Variants in ARFIP1 observed in about 807,000 individuals in gnomAD.
The protein encoded by ARFIP1 is arfaptin-1.
Under a neutral mutation model 42.5 loss-of-function variants are expected in ARFIP1, and 24 were observed. The ratio of observed to expected loss-of-function variants is 0.57; its 90% confidence interval spans 0.41 to 0.80. The LOEUF is 0.80. Ranked by LOEUF, ARFIP1 falls within the 30% of genes least tolerant of loss-of-function variation. ARFIP1 has a pLI of 0.00. For missense variants in ARFIP1, 354 were observed against 434.0 expected (o/e 0.82, Z 1.64); for synonymous variants, 141 against 153.7 (o/e 0.92, Z 0.61).
chr4:152,805,298 A>G (rs1202031448), intron 1 of ARFIP1, among the ~76,000 whole-genome samples: 1 of 152,254 alleles, frequency 6.6e-6, no homozygotes, highest in African/African-American at 2.4e-5. Context: ...TCATTTACTT[A>G]GAAAAGGGAT....
At chr4:152,907,261 C>T (rs1267898030) in intron 8 of ARFIP1, among the ~76,000 whole-genome samples, 1 of 152,082 alleles carries the variant, frequency 6.6e-6, no homozygotes, top group Non-Finnish European at 1.5e-5. Flanking sequence ...TTTTTTCCCT[C>T]TGAATATAAA....
chr4:152,826,704 AGCAGGATCTT>A (rs1307320982), intron 1 of ARFIP1, among the ~76,000 whole-genome samples: 11 of 152,202 alleles, frequency 7.2e-5, no homozygotes, highest in Non-Finnish European at 1.2e-4. Flanking sequence ...AAGAATTGAA[AGCAGGATCTT>A]GCAGGATCTT....
chr4:152,905,385 G>A (rs1036896320), intron 8 of ARFIP1, among the ~76,000 whole-genome samples: 4 of 152,002 alleles, frequency 2.6e-5, no homozygotes, highest in African/African-American at 9.7e-5. Flanking sequence ...AGCCATTCTA[G>A]TGTATGTGTA....
Position 152,910,305 on chromosome 4 carries a change from G to T in ARFIP1, c.*86G>T. On this transcript the variant is annotated 3_prime_UTR_variant, in exon 9 of 9. Transcript: ENST00000353617. ...AATTAAGCAGAGTTGGGGGAAGTGGGAGGGGTGACAAGCATTATAGTGATT... is the reference window on the plus strand; with the variant it reads ...AATTAAGCAGAGTTGGGGGAAGTGGTAGGGGTGACAAGCATTATAGTGATT... The T allele has an allele frequency of 6.9e-7, 1 of 1,446,428 alleles. No homozygotes were observed. Among genetic ancestry groups the T allele is most frequent in the Middle Eastern group, 1.8e-4 (1 of 5,550 alleles). 89.6% of individuals were successfully genotyped at this position (1,446,428 alleles called of 1,614,324 possible).
intron 2 of ARFIP1, among the ~76,000 whole-genome samples, chr4:152,843,773 A>G (rs1338298046): frequency 6.6e-6 from 1 of 152,108 alleles, no homozygotes; most frequent in Non-Finnish European, 1.5e-5. Flanking sequence ...CTGTGCCCCC[A>G]CCAACAGCCC....
intron 2 of ARFIP1, among the ~76,000 whole-genome samples, chr4:152,839,625 A>G (rs1731906063): frequency 1.3e-5 from 2 of 152,092 alleles, no homozygotes; most frequent in Admixed American, 1.3e-4. Context: ...CAGTTGTAAT[A>G]TCCCCTGTTT....
Position 152,910,974 on chromosome 4 carries a change from T to G in ARFIP1, c.*755T>G, listed in dbSNP as rs1738806016. 6.6e-6 allele frequency: 1 copy of G among 152,566 alleles called. No individual in the cohort carries two copies. The highest frequency in any genetic ancestry group is 2.4e-5 in the African/African-American group (1 of 41,442). 9.5% of individuals were successfully genotyped at this position (152,566 alleles called of 1,614,324 possible). A position where few individuals can be genotyped will look rare whatever the true frequency, so the allele number is the denominator to read the frequency against. ...AATTTTTTTTTTTGACAGGTGGACG[T>G]GGGAATGGAAATTCTTAATGGTTTC... On this transcript the variant is annotated 3_prime_UTR_variant, in exon 9 of 9. Coordinates refer to ENST00000353617, the MANE Select transcript of ARFIP1 (RefSeq NM_001025595.3).
chr4:152,847,113 T>A (rs897834358), intron 2 of ARFIP1, among the ~76,000 whole-genome samples: 1 of 143,666 alleles, frequency 7.0e-6, no homozygotes, highest in African/African-American at 2.7e-5. Flanking sequence ...GTTAATGTTT[T>A]TAGGTTTGTT....
chr4:152,798,178 G>A (rs1181157998), intron 1 of ARFIP1, among the ~76,000 whole-genome samples: 1 of 152,150 alleles, frequency 6.6e-6, no homozygotes, highest in Non-Finnish European at 1.5e-5. Flanking sequence ...CAGGAGAATC[G>A]CTTGAACCCG....
intron 8 of ARFIP1, among the ~76,000 whole-genome samples, chr4:152,895,514 G>A (rs917556910): frequency 1.4e-5 from 2 of 139,974 alleles, no homozygotes; most frequent in Non-Finnish European, 3.1e-5. Context: ...AGCCTTCCAA[G>A]TAACTGAGAC....
Position 152,808,283 on chromosome 4 carries a change from A to ATTTTTTTTT in ARFIP1, c.-9-21316_-9-21308dup, listed in dbSNP as rs61135783. ...GTGTGAGCCACCACGCCTGGCCTCCATTTTTTTTTTTTTTTTTTTTTTTTT... is the reference window on the plus strand; with the variant it reads ...GTGTGAGCCACCACGCCTGGCCTCCATTTTTTTTTTTTTTTTTTTTTTTTTTTTTTTTTT... On this transcript the variant is annotated intron_variant, in intron 1 of 8. Coordinates refer to ENST00000353617, the MANE Select transcript of ARFIP1 (RefSeq NM_001025595.3). 4.2e-3 allele frequency among the ~76,000 whole-genome samples: 85 copies of ATTTTTTTTT among 20,316 alleles called. 14 individuals are homozygous for ATTTTTTTTT. Among genetic ancestry groups the ATTTTTTTTT allele is most frequent in the African/African-American group, 6.4e-3 (40 of 6,202 alleles). The allele number at this position is 20,316 out of a possible 152,430, so 13.3% of individuals were successfully genotyped here. A position where few individuals can be genotyped will look rare whatever the true frequency, so the allele number is the denominator to read the frequency against.
intron 5 of ARFIP1, among the ~76,000 whole-genome samples, chr4:152,875,834 G>A (rs1159874657): frequency 3.3e-5 from 5 of 151,866 alleles, no homozygotes; most frequent in African/African-American, 1.2e-4. Context: ...GTTGTGGGAG[G>A]GACCTAAGGG....
chr4:152,863,344 A>G (rs994924896), intron 2 of ARFIP1, among the ~76,000 whole-genome samples: 1 of 152,216 alleles, frequency 6.6e-6, no homozygotes, highest in Non-Finnish European at 1.5e-5. Flanking sequence ...TTTTACATTG[A>G]ATTTTAATAT....
At position 152,833,348 on chromosome 4, in the gene ARFIP1, A is replaced by G. The variant is rs140618339; in HGVS notation, c.93+3622A>G. Among the ~76,000 whole-genome samples, 236 of 152,284 alleles carry G rather than the reference A, an allele frequency of 1.5e-3. 8 individuals carry two copies. In the East Asian group the frequency reaches 0.041, roughly 26 times the overall value. On this transcript the variant is annotated intron_variant, in intron 2 of 8. Transcript: ENST00000353617. The stretch of plus-strand genomic sequence containing the variant: ...CAAAACCTCAGTGAGATATCAGTTC[A>G]TACCTATTAGGATGACTATTATCAA...
At chr4:152,834,096 G>C (rs1374624148) in intron 2 of ARFIP1, among the ~76,000 whole-genome samples, 1 of 152,112 alleles carries the variant, frequency 6.6e-6, no homozygotes, top group Non-Finnish European at 1.5e-5. Flanking sequence ...GGAGGTCCCA[G>C]ACTCTTTTAA....
Position 152,829,616 on chromosome 4 carries a change from T to G in ARFIP1, c.-9-9T>G. ...TAGTTACGGCGCTTTTTTTCTTCTT[T>G]TGTTTTAGGAGTCTACCATGGCTCA... On this transcript the variant is annotated splice_polypyrimidine_tract_variant and intron_variant, in intron 1 of 8. Coordinates refer to ENST00000353617, the MANE Select transcript of ARFIP1 (RefSeq NM_001025595.3). 1.3e-6 allele frequency: 2 copies of G among 1,586,184 alleles called. No individual in the cohort carries two copies. Among genetic ancestry groups the G allele is most frequent in the East Asian group, 4.5e-5 (2 of 44,690 alleles).
At chr4:152,910,010 A>T in intron 8 of ARFIP1, 54 bp from the exon 9 acceptor site, 1 of 1,568,932 alleles carries the variant, frequency 6.4e-7, no homozygotes, top group Non-Finnish European at 8.7e-7. Context: ...ATCACTCTCT[A>T]TTTTATTGTT....
chr4:152,793,341 TA>T (rs1461868030), intron 1 of ARFIP1, among the ~76,000 whole-genome samples: 2 of 147,708 alleles, frequency 1.4e-5, no homozygotes, highest in African/African-American at 4.9e-5. Context: ...TATATATATA[TA>T]ATATATATAT....
chr4:152,853,782 A>G (rs1733187648), intron 2 of ARFIP1, among the ~76,000 whole-genome samples: 1 of 151,990 alleles, frequency 6.6e-6, no homozygotes, highest in Non-Finnish European at 1.5e-5. Context: ...TGGGACCCCG[A>G]TAATATGAAT....
Sources: allele counts gnomAD v4.1 joint callset (sites outside exome capture counted in the v4.1 genomes callset), GRCh38; gene constraint gnomAD v4.1.1; transcripts MANE v1.5; gene names NCBI Gene and HGNC (gene_info 2026-07-23, HGNC 2026-07-21).